BABAM2: variants seen among roughly 807,000 people sequenced by gnomAD.
BABAM2 encodes BRISC and BRCA1-A complex member 2.
A neutral mutation model predicts 54.7 loss-of-function variants in BABAM2; 31 were observed. The observed-to-expected ratio is 0.57, with a 90% CI of 0.43 to 0.77. The LOEUF (loss-of-function observed/expected upper bound fraction) is 0.77, where lower values mean the gene tolerates loss of function less well. BABAM2 is among the 30% of genes least tolerant of loss of function. The pLI is 0.00. For synonymous variants in BABAM2, 167 were observed against 162.9 expected (o/e 1.03, Z -0.19); for missense variants, 364 against 455.8 (o/e 0.80, Z 1.83).
At chr2:27,972,812 G>A (rs1342983367) in intron 3 of BABAM2, among the ~76,000 whole-genome samples, 1 of 148,722 alleles carries the variant, frequency 6.7e-6, no homozygotes, top group Non-Finnish European at 1.5e-5. Context: ...CTGTCGCCAG[G>A]CTGGAGTGCA....
intron 7 of BABAM2, among the ~76,000 whole-genome samples, chr2:28,208,275 G>A (rs1170468511): frequency 6.6e-6 from 1 of 152,184 alleles, no homozygotes; most frequent in African/African-American, 2.4e-5. Context: ...GTATCAGGCT[G>A]TTTATATTTA....
chr2:28,259,074 CT>C (rs70956009), intron 10 of BABAM2, among the ~76,000 whole-genome samples: 100 of 23,356 alleles, frequency 4.3e-3, no homozygotes, highest in African/African-American at 4.8e-3. Flanking sequence ...TGCACCTGGC[CT>C]TTTTTTTTTT....
intron 3 of BABAM2, among the ~76,000 whole-genome samples, chr2:27,948,874 G>A (rs570398055): frequency 6.6e-6 from 1 of 152,176 alleles, no homozygotes; most frequent in African/African-American, 2.4e-5. Flanking sequence ...TATTATGTTG[G>A]CTATGTATTT....
At chr2:28,225,256 A>G (rs1319259365) in intron 7 of BABAM2, among the ~76,000 whole-genome samples, 6 of 152,168 alleles carry the variant, frequency 3.9e-5, no homozygotes, top group Admixed American at 2.0e-4. Flanking sequence ...GCTGAGTGCT[A>G]TGGGTTCCCA....
chr2:28,267,544 A>C (rs991664543), intron 10 of BABAM2, among the ~76,000 whole-genome samples: 1 of 152,184 alleles, frequency 6.6e-6, no homozygotes, highest in Non-Finnish European at 1.5e-5. Context: ...CTCTGTGGCT[A>C]ACACAGTAAC....
chr2:28,250,589 TTTTTTG>T, intron 10 of BABAM2, among the ~76,000 whole-genome samples: 1 of 148,910 alleles, frequency 6.7e-6, no homozygotes, highest in East Asian at 2.0e-4. Flanking sequence ...TTTTTCTTTT[TTTTTTG>T]TTTGTTTGTT....
At chr2:28,227,515 A>G (rs1680996735) in intron 7 of BABAM2, among the ~76,000 whole-genome samples, 2 of 152,092 alleles carry the variant, frequency 1.3e-5, no homozygotes, top group African/African-American at 4.8e-5. Context: ...CCTGAATATA[A>G]CCACACTCAT....
At chr2:28,337,326 T>A (rs1421668854) in intron 11 of BABAM2, among the ~76,000 whole-genome samples, 1 of 152,130 alleles carries the variant, frequency 6.6e-6, no homozygotes, top group Non-Finnish European at 1.5e-5. Context: ...CCTTCCCTGC[T>A]GCATGGACTG....
At chr2:28,002,812 G>T (rs1458395) in intron 4 of BABAM2, among the ~76,000 whole-genome samples, 151,828 of 152,340 alleles carry the variant, frequency 1, 75,662 homozygotes, top group Middle Eastern at 1. Context: ...GCAAAAAGAT[G>T]ATTGACTAAT....
At chr2:28,070,319 C>T (rs1385465435) in intron 6 of BABAM2, among the ~76,000 whole-genome samples, 3 of 152,162 alleles carry the variant, frequency 2.0e-5, no homozygotes, top group African/African-American at 4.8e-5. Flanking sequence ...AGGTAACCTG[C>T]AAGTTTTTAT....
At chr2:27,888,937 T>C (rs1664625848), upstream of BABAM2, among the ~76,000 whole-genome samples, 1 of 152,258 alleles carries the variant, frequency 6.6e-6, no homozygotes, top group African/African-American at 2.4e-5. Context: ...TTCAATTTTA[T>C]GCTCTGTCAC....
intron 3 of BABAM2, among the ~76,000 whole-genome samples, chr2:27,934,575 T>G (rs943685350): frequency 6.6e-6 from 1 of 152,230 alleles, no homozygotes; most frequent in Non-Finnish European, 1.5e-5. Context: ...TGATGAAGTT[T>G]AGTGAGGAAG....
intron 3 of BABAM2, among the ~76,000 whole-genome samples, chr2:27,983,087 T>G (rs1672141046): frequency 6.6e-6 from 1 of 152,088 alleles, no homozygotes; most frequent in Non-Finnish European, 1.5e-5. Flanking sequence ...GAATTACCAC[T>G]GTGTTTCCTA....
Position 28,025,418 on chromosome 2 carries a change from T to C in BABAM2, c.493T>C (p.Trp165Arg). The C allele has an allele frequency of 6.4e-7, 1 of 1,564,698 alleles. No homozygotes were observed. Among genetic ancestry groups the C allele is most frequent in the African/African-American group, 1.4e-5 (1 of 72,170 alleles). Reference sequence around the variant, plus strand: ...AATTTATGCTGGGAAAAAAAACAACTGGGTAAGGATTTTTGAGAATGGAAA... The same window carrying C: ...AATTTATGCTGGGAAAAAAAACAACCGGGTAAGGATTTTTGAGAATGGAAA... ...MEIYAGKKNN[W>R]TGEFSARFLL... Residue 165 changes from tryptophan (W) to arginine (R), a missense_variant and splice_region_variant, in exon 5 of 12, where the codon TGG (tryptophan) becomes CGG (arginine). By Grantham distance (101) the Trp-to-Arg change is moderately radical. Transcript: ENST00000379624.
At chr2:28,172,993 C>T (rs968455821) in intron 7 of BABAM2, among the ~76,000 whole-genome samples, 3 of 152,158 alleles carry the variant, frequency 2.0e-5, no homozygotes, top group Admixed American at 6.5e-5. Context: ...GCCTTCTCGC[C>T]GTGTCCTCTT....
intron 5 of BABAM2, among the ~76,000 whole-genome samples, chr2:28,026,102 G>A (rs1200419670): frequency 6.6e-6 from 1 of 152,094 alleles, no homozygotes; most frequent in Non-Finnish European, 1.5e-5. Context: ...GAGAGGTTGT[G>A]GAGAAATAGG....
At chr2:28,307,653 C>A (rs1170225954) in intron 11 of BABAM2, 1 of 152,122 alleles carries the variant, frequency 6.6e-6, no homozygotes, top group Non-Finnish European at 1.5e-5. Context: ...CATATTCACA[C>A]ACTTTCAGTC....
chr2:28,321,197 C>T (rs770926340), intron 11 of BABAM2, among the ~76,000 whole-genome samples: 3 of 151,858 alleles, frequency 2.0e-5, no homozygotes, highest in Non-Finnish European at 4.4e-5. Context: ...TGAGTTCTTA[C>T]CATGTGCCTG....
chr2:28,017,556 G>A lies in BABAM2; in HGVS notation c.301-7670G>A, dbSNP rs148721604. On this transcript the variant is annotated intron_variant, in intron 4 of 11. Transcript: ENST00000379624. The stretch of plus-strand genomic sequence containing the variant: ...TTGATATGTAACTCATCCATTTGAA[G>A]TATAAAATTCAGTTGTTTCAGTATA... 1.2e-4 allele frequency among the ~76,000 whole-genome samples: 18 copies of A among 152,244 alleles called. No individual in the cohort carries two copies. In the East Asian group the frequency reaches 3.5e-3, roughly 29 times the overall value.
Sources: allele counts gnomAD v4.1 joint callset (sites outside exome capture counted in the v4.1 genomes callset), GRCh38; gene constraint gnomAD v4.1.1; transcripts MANE v1.5; gene names NCBI Gene and HGNC (gene_info 2026-07-23, HGNC 2026-07-21).